FBXL2: variants seen among roughly 807,000 people sequenced by gnomAD.
The protein encoded by FBXL2 is F-box/LRR-repeat protein 2.
A neutral mutation model predicts 69.2 loss-of-function variants in FBXL2; 38 were observed. That is an observed-to-expected ratio of 0.55 (90% CI 0.42 to 0.72). The LOEUF is 0.72. Ranked by LOEUF, FBXL2 falls within the 30% of genes least tolerant of loss-of-function variation. FBXL2 has a pLI of 0.00. For missense variants in FBXL2, 354 were observed against 520.3 expected (o/e 0.68, Z 3.11); for synonymous variants, 192 against 201.3 (o/e 0.95, Z 0.39).
chr3:33,348,768 G>T lies in FBXL2; in HGVS notation c.66-10199G>T, dbSNP rs191617468. Among the ~76,000 whole-genome samples the T allele has an allele frequency of 4.7e-3, 714 of 151,906 alleles. 7 individuals carry two copies. The highest frequency in any genetic ancestry group is 0.016 in the African/African-American group (664 of 41,492). On this transcript the variant is annotated intron_variant, in intron 2 of 14. Coordinates refer to ENST00000484457, the MANE Select transcript of FBXL2 (RefSeq NM_012157.5). ...AATATCAATATCTTTCTGTTTTTTT[G>T]TGTGTGTTCTTTTTAATTTATTTCA...
intron 2 of FBXL2, among the ~76,000 whole-genome samples, chr3:33,353,058 G>A (rs947603346): frequency 6.6e-6 from 1 of 152,162 alleles, no homozygotes; most frequent in Admixed American, 6.5e-5. Context: ...TGTCACTAGA[G>A]AATTGAAAAT....
In FBXL2 at chr3:33,374,773, A is replaced by G. The variant is rs549891295; in HGVS notation, c.658-515A>G. 7.4e-5 allele frequency among the ~76,000 whole-genome samples: 11 copies of G among 148,082 alleles called. No homozygotes were observed. The Middle Eastern group carries it at 0.01, about 139-fold the overall frequency. On this transcript the variant is annotated intron_variant, in intron 9 of 14. Transcript: ENST00000484457. The stretch of plus-strand genomic sequence containing the variant: ...CTTCATGGCCAAATTCATAGAATTT[A>G]AGGTATTTATCAATAATTTTGTGAT...
chr3:33,331,959 A>G lies in FBXL2; in HGVS notation c.66-27008A>G, dbSNP rs1233990913. Among the ~76,000 whole-genome samples the G allele has an allele frequency of 4.6e-5, 7 of 152,328 alleles. No individual in the cohort carries two copies. In the East Asian group the frequency reaches 1.3e-3, roughly 29 times the overall value. ...TTCTAAAGGAAATTATAGACAAAGA[A>G]TAGAGAGAGAATGTGGGAAGGATAA... On this transcript the variant is annotated intron_variant, in intron 2 of 14. Transcript: ENST00000484457.
intron 1 of FBXL2, among the ~76,000 whole-genome samples, chr3:33,291,528 A>C (rs2035224168): frequency 6.6e-6 from 1 of 152,208 alleles, no homozygotes; most frequent in Admixed American, 6.5e-5. Context: ...TGGACTATTT[A>C]AAGTAGAAAT....
chr3:33,367,917 T>C (rs2042055820), intron 5 of FBXL2, among the ~76,000 whole-genome samples: 1 of 152,218 alleles, frequency 6.6e-6, no homozygotes, highest in Non-Finnish European at 1.5e-5. Context: ...ATGTTTTCAT[T>C]TTCATGCAAA....
chr3:33,378,022 T>C, intron 11 of FBXL2, 81 bp from the exon 12 acceptor site: 1 of 1,333,072 alleles, frequency 7.5e-7, no homozygotes. Context: ...ACTGGGCCAA[T>C]ACTCAGAGGG....
At chr3:33,373,749 G>A in intron 8 of FBXL2, 45 bp downstream of exon 8, 1 of 1,613,860 alleles carries the variant, frequency 6.2e-7, no homozygotes, top group East Asian at 2.2e-5. Context: ...TGTCAGGTGT[G>A]GGCACATCAT....
In FBXL2 at chr3:33,294,578, C is replaced by A. The variant is rs149402865; in HGVS notation, c.4-3086C>A. ...GAAAGGCCAGGCACAGTGCCTCACA[C>A]CTATAATCCCAGCACTTTTGGGGAC... is the stretch of plus-strand genomic sequence containing the variant. On this transcript the variant is annotated intron_variant, in intron 1 of 14. Coordinates refer to ENST00000484457, the MANE Select transcript of FBXL2 (RefSeq NM_012157.5). 1.2e-3 allele frequency among the ~76,000 whole-genome samples: 176 copies of A among 152,250 alleles called. 1 individual carries two copies. Among genetic ancestry groups the A allele is most frequent in the African/African-American group, 3.8e-3 (159 of 41,542 alleles).
intron 2 of FBXL2, among the ~76,000 whole-genome samples, chr3:33,346,293 CAG>C (rs2040428019): frequency 6.6e-6 from 1 of 151,868 alleles, no homozygotes; most frequent in African/African-American, 2.4e-5. Flanking sequence ...TTAGAGGAAA[CAG>C]GGCAATAGAA....
intron 2 of FBXL2, among the ~76,000 whole-genome samples, chr3:33,320,819 A>G (rs1246981021): frequency 1.1e-4 from 16 of 152,118 alleles, no homozygotes; most frequent in African/African-American, 2.4e-5. Flanking sequence ...ATTGTTTACC[A>G]TGGAAGAAAA....
intron 2 of FBXL2, among the ~76,000 whole-genome samples, chr3:33,318,185 A>G (rs2037878982): frequency 6.6e-6 from 1 of 152,116 alleles, no homozygotes; most frequent in Non-Finnish European, 1.5e-5. Flanking sequence ...GACATCTGAA[A>G]CATAGGTGTG....
intron 2 of FBXL2, among the ~76,000 whole-genome samples, chr3:33,299,837 A>C (rs1423895596): frequency 6.6e-6 from 1 of 152,224 alleles, no homozygotes; most frequent in Non-Finnish European, 1.5e-5. Context: ...AAGTGGTGAC[A>C]AGAAAGAAAT....
chr3:33,320,359 T>C (rs2038086086), intron 2 of FBXL2, among the ~76,000 whole-genome samples: 1 of 152,030 alleles, frequency 6.6e-6, no homozygotes, highest in Admixed American at 6.6e-5. Flanking sequence ...AATAAAGAAA[T>C]TGGATCCCTA....
chr3:33,323,463 C>T (rs552289810), intron 2 of FBXL2, among the ~76,000 whole-genome samples: 9 of 152,162 alleles, frequency 5.9e-5, no homozygotes, highest in African/African-American at 1.9e-4. Flanking sequence ...CTCCCCTTCC[C>T]CCCGACGCCC....
chr3:33,342,004 CT>C (rs538123970), intron 2 of FBXL2, among the ~76,000 whole-genome samples: 24,896 of 109,334 alleles, frequency 0.23, 1,944 homozygotes, highest in East Asian at 0.43. Flanking sequence ...TTTTCTTTAT[CT>C]TTTTTTTTTT....
At chr3:33,410,207 C>T in the FBXL2 span, among the ~76,000 whole-genome samples, 2 of 152,360 alleles carry the variant, frequency 1.3e-5, no homozygotes, top group South Asian at 2.1e-4. Context: ...TCTTCCACCA[C>T]TCCTGCCCTG....
chr3:33,398,379 G>C (rs557375843), intron 12 of FBXL2: 87 of 152,350 alleles, frequency 5.7e-4, no homozygotes, highest in African/African-American at 1.9e-3. Flanking sequence ...AGTCAGGTAA[G>C]CAAAGAGGCT....
intron 14 of FBXL2, 28 bp from the exon 15 acceptor site, chr3:33,385,473 G>C: frequency 6.4e-7 from 1 of 1,566,454 alleles, no homozygotes; most frequent in East Asian, 2.2e-5. Flanking sequence ...AATGTGTAAA[G>C]ACTCCACTTT....
chr3:33,354,279 C>T (rs1220105995), intron 2 of FBXL2, among the ~76,000 whole-genome samples: 5 of 151,758 alleles, frequency 3.3e-5, no homozygotes, highest in African/African-American at 1.2e-4. Context: ...TTTGGGAGGC[C>T]GAGGCGGGTG....
Sources: allele counts gnomAD v4.1 joint callset (sites outside exome capture counted in the v4.1 genomes callset), GRCh38; gene constraint gnomAD v4.1.1; transcripts MANE v1.5; gene names NCBI Gene and HGNC (gene_info 2026-07-23, HGNC 2026-07-21).